MAN1A2: variants seen among roughly 807,000 people sequenced by gnomAD.
MAN1A2 encodes the protein mannosidase alpha class 1A member 2, also known as mannosyl-oligosaccharide 1,2-alpha-mannosidase IB.
MAN1A2 carries 26 observed loss-of-function variants against 75.7 expected under a neutral mutation model. The observed-to-expected ratio is 0.34, with a 90% CI of 0.25 to 0.48. The LOEUF (loss-of-function observed/expected upper bound fraction) is 0.48, where lower values mean the gene tolerates loss of function less well. MAN1A2 is among the 20% of genes least tolerant of loss of function. The pLI, the probability that MAN1A2 is intolerant of heterozygous loss-of-function variation, is 0.99. For missense variants in MAN1A2, 562 were observed against 775.5 expected (o/e 0.72, Z 3.27); for synonymous variants, 247 against 264.6 (o/e 0.93, Z 0.65).
At position 117,524,959 on chromosome 1, in the gene MAN1A2, A is replaced by G; in HGVS notation, c.*2002A>G. 2.8e-6 allele frequency: 1 copy of G among 350,992 alleles called. No individual in the cohort carries two copies. Among genetic ancestry groups the G allele is most frequent in the Non-Finnish European group, 5.8e-6 (1 of 171,216 alleles). The allele number at this position is 350,992 out of a possible 1,614,324, so 21.7% of individuals were successfully genotyped here. Reference sequence around the variant, plus strand: ...AGTAGCACAAGCCCACTTATGAATCACTGAGAAAAAGTGAAAAACTTGAGT... The same window carrying G: ...AGTAGCACAAGCCCACTTATGAATCGCTGAGAAAAAGTGAAAAACTTGAGT... On this transcript the variant is annotated 3_prime_UTR_variant, in exon 13 of 13. Coordinates refer to ENST00000356554, the MANE Select transcript of MAN1A2 (RefSeq NM_006699.5).
intron 5 of MAN1A2, among the ~76,000 whole-genome samples, chr1:117,429,086 A>G (rs1183599417): frequency 6.8e-6 from 1 of 148,030 alleles, no homozygotes. Context: ...CTGAGTGGAC[A>G]CAGCACATGT....
At chr1:117,419,409 T>C (rs1648115644) in intron 4 of MAN1A2, among the ~76,000 whole-genome samples, 2 of 152,074 alleles carry the variant, frequency 1.3e-5, no homozygotes, top group South Asian at 4.1e-4. Flanking sequence ...CTATGTGCCC[T>C]GTAGTATGTT....
rs765110347 is a variant in MAN1A2 at position 117,368,268 on chromosome 1, G to C, written c.85G>C (p.Ala29Pro). The change falls in exon 1 of 13, where the codon GCT becomes CCT. Residue 29 changes from alanine to proline, a missense_variant. Transcript: ENST00000356554. ...GCCGCCTTCCTTCCCACATCACAGG[G>C]CTACCTTGAGACTTTCTGAGAAGTT... The part of the protein sequence containing the change: ...LGPPSFPHHR[A>P]TLRLSEKFIL... 6.2e-7 allele frequency: 1 copy of C among 1,614,104 alleles called. No homozygotes were observed. The highest frequency in any genetic ancestry group is 8.5e-7 in the Non-Finnish European group (1 of 1,180,028).
At chr1:117,481,743 A>G (rs929479716) in intron 8 of MAN1A2, among the ~76,000 whole-genome samples, 2 of 151,958 alleles carry the variant, frequency 1.3e-5, no homozygotes, top group Non-Finnish European at 2.9e-5. Context: ...TTCCACAAAA[A>G]GAAGTGGAGC....
intron 7 of MAN1A2, among the ~76,000 whole-genome samples, chr1:117,462,392 A>T (rs1467232206): frequency 2.0e-5 from 3 of 152,178 alleles, no homozygotes; most frequent in Non-Finnish European, 2.9e-5. Context: ...GTTCAAAACA[A>T]AGCTGAACAG....
intron 5 of MAN1A2, among the ~76,000 whole-genome samples, 156 bp from the exon 6 acceptor site, chr1:117,442,075 A>G (rs1011518897): frequency 7.9e-5 from 12 of 152,096 alleles, no homozygotes; most frequent in Admixed American, 1.3e-4. Context: ...ATGCTCTCTG[A>G]TTGCCAAATG....
intron 8 of MAN1A2, among the ~76,000 whole-genome samples, chr1:117,474,625 G>T (rs1179351559): frequency 6.6e-6 from 1 of 151,612 alleles, no homozygotes; most frequent in Non-Finnish European, 1.5e-5. Context: ...ATTGGTGGAG[G>T]TTACTGATAG....
intron 5 of MAN1A2, among the ~76,000 whole-genome samples, chr1:117,425,719 A>G (rs555487369): frequency 2.6e-5 from 4 of 152,242 alleles, no homozygotes; most frequent in Non-Finnish European, 5.9e-5. Context: ...AAGGGCATCT[A>G]CAAAAAACCT....
chr1:117,497,000 G>T lies in MAN1A2; in HGVS notation c.1504+18G>T. ...CAGAACTGGTAAGAATATTAATAAG[G>T]CTAATTATATAGTCTAAAATAATCT... On this transcript the variant is annotated intron_variant, in intron 10 of 12. Coordinates refer to ENST00000356554, the MANE Select transcript of MAN1A2 (RefSeq NM_006699.5). 1 of 1,577,156 alleles carries T rather than the reference G, an allele frequency of 6.3e-7. No individual in the cohort carries two copies. The highest frequency in any genetic ancestry group is 8.7e-7 in the Non-Finnish European group (1 of 1,152,446).
intron 3 of MAN1A2, 131 bp downstream of exon 3, chr1:117,405,776 T>A (rs957162170): frequency 3.3e-5 from 23 of 687,694 alleles, no homozygotes; most frequent in African/African-American, 5.4e-5. Flanking sequence ...ACAGGTATGA[T>A]TTTTTGCAAG....
chr1:117,429,116 G>C (rs1315280023), intron 5 of MAN1A2, among the ~76,000 whole-genome samples: 1 of 147,542 alleles, frequency 6.8e-6, no homozygotes, highest in African/African-American at 2.5e-5. Flanking sequence ...CACAGGGTTG[G>C]GGGTAAGGTC....
chr1:117,499,363 T>C lies in MAN1A2; in HGVS notation c.1505-19T>C. On this transcript the variant is annotated intron_variant, in intron 10 of 12. Coordinates refer to ENST00000356554, the MANE Select transcript of MAN1A2 (RefSeq NM_006699.5). ...TAAATGGTTTATTTTGCTCAGTTAT[T>C]TCTTTTGTCATGTTACAGCATTAAA... The C allele has an allele frequency of 6.6e-7, 1 of 1,521,816 alleles. No individual in the cohort carries two copies. The highest frequency in any genetic ancestry group is 8.8e-7 in the Non-Finnish European group (1 of 1,134,632). 94.3% of individuals were successfully genotyped at this position (1,521,816 alleles called of 1,614,324 possible).
intron 6 of MAN1A2, among the ~76,000 whole-genome samples, chr1:117,445,046 T>C (rs542377011): frequency 1.3e-5 from 2 of 152,172 alleles, no homozygotes; most frequent in South Asian, 2.1e-4. Context: ...CCTATTTCAC[T>C]GAGATGTTCT....
At chr1:117,515,033 T>C (rs981860347) in intron 12 of MAN1A2, 16 of 350,758 alleles carry the variant, frequency 4.6e-5, no homozygotes, top group African/African-American at 3.4e-4. Flanking sequence ...ATGTATACTC[T>C]ACCCATAAAT....
intron 7 of MAN1A2, among the ~76,000 whole-genome samples, chr1:117,463,666 G>A (rs1649895469): frequency 6.6e-6 from 1 of 151,896 alleles, no homozygotes; most frequent in Admixed American, 6.6e-5. Flanking sequence ...GTGGTATATA[G>A]CATGTAGAAG....
chr1:117,417,720 T>A (rs1439421410), intron 4 of MAN1A2, among the ~76,000 whole-genome samples: 3 of 150,840 alleles, frequency 2.0e-5, no homozygotes, highest in East Asian at 3.9e-4. Flanking sequence ...TCTCTCTCTC[T>A]CTCTCTCTCT....
chr1:117,417,319 C>T (rs1237744549), intron 4 of MAN1A2, among the ~76,000 whole-genome samples: 1 of 151,414 alleles, frequency 6.6e-6, no homozygotes, highest in Non-Finnish European at 1.5e-5. Flanking sequence ...GTCTTTTTAA[C>T]TATTAAGTTT....
At chr1:117,382,563 C>T (rs1236046616) in intron 1 of MAN1A2, among the ~76,000 whole-genome samples, 1 of 152,100 alleles carries the variant, frequency 6.6e-6, no homozygotes, top group African/African-American at 2.4e-5. Context: ...GTACCAGTAC[C>T]ATGCTGCTTT....
At chr1:117,405,692 T>C in intron 3 of MAN1A2, 47 bp downstream of exon 3, 1 of 1,043,054 alleles carries the variant, frequency 9.6e-7, no homozygotes, top group Non-Finnish European at 1.5e-6. Flanking sequence ...TACCTCCATC[T>C]TTTAAAACAA....
Sources: gnomAD v4.1 joint callset for allele counts (sites outside exome capture counted in the v4.1 genomes callset) on GRCh38, gnomAD v4.1.1 for gene constraint, MANE v1.5 for transcripts, NCBI Gene and HGNC (gene_info 2026-07-23, HGNC 2026-07-21) for gene names.